Variants in KLRG1 observed in about 807,000 individuals in gnomAD.
The protein encoded by KLRG1 is killer cell lectin like receptor G1.
A neutral mutation model predicts 21.8 loss-of-function variants in KLRG1; 16 were observed. The observed-to-expected ratio is 0.73, with a 90% confidence interval of 0.50 to 1.11. The LOEUF is 1.11. Among genes scored for constraint, KLRG1 ranks in the 50% most tolerant of loss-of-function variants. KLRG1 has a pLI of 0.00. For synonymous variants in KLRG1, 69 were observed against 75.9 expected (o/e 0.91, Z 0.47); for missense variants, 173 against 218.3 (o/e 0.79, Z 1.31).
At chr12:9,088,217 G>A in the KLRG1 span, among the ~76,000 whole-genome samples, 3 of 149,970 alleles carry the variant, frequency 2.0e-5, no homozygotes, top group Non-Finnish European at 4.4e-5. Flanking sequence ...ACTGAAAAAT[G>A]TTCAGGGGGG....
the KLRG1 span, among the ~76,000 whole-genome samples, chr12:9,129,840 G>T: frequency 3.3e-5 from 5 of 152,294 alleles, no homozygotes; most frequent in Non-Finnish European, 7.4e-5. Flanking sequence ...GAGCCACCGC[G>T]CCTGGTGAAC....
the KLRG1 span, among the ~76,000 whole-genome samples, chr12:9,070,306 A>G: frequency 0.37 from 55,607 of 152,154 alleles, 10,786 homozygotes; most frequent in African/African-American, 0.45. Flanking sequence ...GGGTCCTAGC[A>G]CAGTGCTCTG....
At chr12:9,168,663 T>C in the KLRG1 span, 1 of 468,054 alleles carries the variant, frequency 2.1e-6, no homozygotes, top group Non-Finnish European at 3.8e-6. Context: ...TTTTGTGCCC[T>C]GAAGTATCGG....
At chr12:9,022,530 C>T in the KLRG1 span, among the ~76,000 whole-genome samples, 1 of 152,064 alleles carries the variant, frequency 6.6e-6, no homozygotes, top group African/African-American at 2.4e-5. Context: ...GTAAGAGTGT[C>T]TTATGTATGC....
At chr12:9,028,211 G>T in the KLRG1 span, 1 of 572,590 alleles carries the variant, frequency 1.7e-6, no homozygotes. Context: ...GAATGCAATG[G>T]TGTGATCTCG....
At chr12:9,116,462 T>A in the KLRG1 span, among the ~76,000 whole-genome samples, 1 of 152,156 alleles carries the variant, frequency 6.6e-6, no homozygotes, top group Non-Finnish European at 1.5e-5. Context: ...CCTGGAAGAA[T>A]GATCATAGAA....
At chr12:9,007,081 A>G (rs1407950453) in intron 3 of KLRG1, among the ~76,000 whole-genome samples, 1 of 152,180 alleles carries the variant, frequency 6.6e-6, no homozygotes, top group African/African-American at 2.4e-5. Context: ...AACAAGTTGT[A>G]CTGATTTTTC....
the KLRG1 span, among the ~76,000 whole-genome samples, chr12:9,100,764 A>G: frequency 6.6e-6 from 1 of 152,182 alleles, no homozygotes; most frequent in African/African-American, 2.4e-5. Flanking sequence ...GGAATGGAAA[A>G]CCAAACATCA....
chr12:9,204,109 C>G, the KLRG1 span, among the ~76,000 whole-genome samples: 1 of 152,130 alleles, frequency 6.6e-6, no homozygotes, highest in Non-Finnish European at 1.5e-5. Flanking sequence ...CAGATCAGCA[C>G]AAAAATTTTA....
chr12:9,027,108 T>TAA, the KLRG1 span, among the ~76,000 whole-genome samples: 1 of 152,122 alleles, frequency 6.6e-6, no homozygotes, highest in South Asian at 2.1e-4. Context: ...GTGGAATGGG[T>TAA]AAATAAGCTA....
chr12:8,956,446 T>TTTTTTC (rs1015025239), intron 1 of KLRG1, among the ~76,000 whole-genome samples: 4 of 152,168 alleles, frequency 2.6e-5, no homozygotes, highest in African/African-American at 9.7e-5. Context: ...CACCGCATTT[T>TTTTTTC]TTTTTCTTTT....
chr12:8,954,267 CA>C (rs1365865334), intron 1 of KLRG1, among the ~76,000 whole-genome samples: 2 of 151,556 alleles, frequency 1.3e-5, no homozygotes, highest in African/African-American at 4.9e-5. Context: ...AGATGGTTAC[CA>C]GGGGCGGGGT....
upstream of KLRG1, among the ~76,000 whole-genome samples, chr12:8,985,276 A>G (rs1017265086): frequency 6.6e-6 from 1 of 151,458 alleles, no homozygotes; most frequent in Admixed American, 6.6e-5. Context: ...GCATGTTTAC[A>G]TTGGATGTGT....
the KLRG1 span, chr12:9,165,365 G>A: frequency 6.2e-7 from 1 of 1,613,976 alleles, no homozygotes; most frequent in Non-Finnish European, 8.5e-7. Context: ...CACACCTGAT[G>A]AGCTGGGGAG....
At chr12:9,074,458 A>T in the KLRG1 span, 1 of 1,140,832 alleles carries the variant, frequency 8.8e-7, no homozygotes, top group Non-Finnish European at 1.2e-6. Flanking sequence ...ATTTCAAGTT[A>T]CTGTCATCTG....
chr12:9,098,535 A>G, the KLRG1 span: 2 of 1,506,548 alleles, frequency 1.3e-6, no homozygotes, highest in Non-Finnish European at 1.8e-6. Flanking sequence ...TATCCTACTT[A>G]TCCAGTCATT....
At chr12:9,149,553 A>G in the KLRG1 span, 11 of 1,611,584 alleles carry the variant, frequency 6.8e-6, no homozygotes, top group Non-Finnish European at 9.3e-6. Flanking sequence ...TAAGTGGTGA[A>G]CTCTTACCTG....
chr12:9,201,233 T>A, the KLRG1 span: 1 of 1,333,396 alleles, frequency 7.5e-7, no homozygotes, highest in African/African-American at 1.5e-5. Context: ...GATCTGAAAA[T>A]TTTTAAAGTA....
the KLRG1 span, among the ~76,000 whole-genome samples, chr12:9,188,010 G>C: frequency 6.6e-6 from 1 of 152,138 alleles, no homozygotes; most frequent in African/African-American, 2.4e-5. Context: ...AGGAGAAGTG[G>C]GACTCACATA....
Sources: gnomAD v4.1 joint callset for allele counts (sites outside exome capture counted in the v4.1 genomes callset) on GRCh38, gnomAD v4.1.1 for gene constraint, MANE v1.5 for transcripts, NCBI Gene and HGNC (gene_info 2026-07-23, HGNC 2026-07-21) for gene names.